Variants in CLEC18B observed in about 807,000 individuals in gnomAD.
The protein encoded by CLEC18B is C-type lectin domain family 18 member B, also known as mannose receptor-like 2.
In CLEC18B, 5 loss-of-function variants were observed where a neutral mutation model predicts 60.4. That is an observed-to-expected ratio of 0.08 (90% CI 0.04 to 0.17). The LOEUF (loss-of-function observed/expected upper bound fraction) is 0.17, where lower values mean the gene tolerates loss of function less well. Among genes scored for constraint, CLEC18B ranks in the 10% least tolerant of loss-of-function variants. The pLI, the probability that CLEC18B is intolerant of heterozygous loss-of-function variation, is 1.00. For missense variants in CLEC18B, 26 were observed against 572.8 expected (o/e 0.05, Z 9.74); for synonymous variants, 16 against 221.2 (o/e 0.07, Z 8.23).
chr16:74,412,886 C>A lies in CLEC18B; in HGVS notation c.677-6G>T. On this transcript the variant is annotated splice_polypyrimidine_tract_variant and splice_region_variant and intron_variant, in intron 5 of 11. Coordinates refer to ENST00000682950, the MANE Select transcript of CLEC18B (RefSeq NM_001385193.1). ...ACAAGGATTCCTGGGGACCTCTGGTCAGAGGAGGAGGGGACTCTGAGAAAA... is the reference window on the plus strand; with the variant it reads ...ACAAGGATTCCTGGGGACCTCTGGTAAGAGGAGGAGGGGACTCTGAGAAAA... 1 of 1,612,116 alleles carries A rather than the reference C, an allele frequency of 6.2e-7. No individual in the cohort carries two copies.
chr16:74,423,910 G>C (rs1318447417), upstream of CLEC18B, among the ~76,000 whole-genome samples: 1 of 152,216 alleles, frequency 6.6e-6, no homozygotes, highest in African/African-American at 2.4e-5. Flanking sequence ...CCAGGGCATT[G>C]CAACTTGGTT....
intron 2 of CLEC18B, among the ~76,000 whole-genome samples, chr16:74,419,638 G>C (rs2142764618): frequency 6.7e-6 from 1 of 148,726 alleles, no homozygotes; most frequent in Middle Eastern, 3.4e-3. Flanking sequence ...GAGCACCCCT[G>C]GTTGCCCAGG....
At chr16:74,423,747 AG>A (rs1242195587), upstream of CLEC18B, among the ~76,000 whole-genome samples, 4 of 148,840 alleles carry the variant, frequency 2.7e-5, no homozygotes, top group African/African-American at 9.9e-5. Flanking sequence ...TTCATGGGCC[AG>A]AAGAGAAGCT....
At chr16:74,409,800 C>A (rs2013039756) in intron 10 of CLEC18B, 159 bp from the exon 11 acceptor site, 1 of 1,609,202 alleles carries the variant, frequency 6.2e-7, no homozygotes, top group African/African-American at 1.3e-5. Flanking sequence ...AAGCCCCCAG[C>A]CCTGCTCCAC....
chr16:74,420,088 T>C lies in CLEC18B; in HGVS notation c.216+413A>G, dbSNP rs1312383958. On this transcript the variant is annotated intron_variant, in intron 2 of 11. Coordinates refer to ENST00000682950, the MANE Select transcript of CLEC18B (RefSeq NM_001385193.1). ...AAGCTCAGGAGGAGGCGCTGGGTCC[T>C]TGCCGCACAGAAGCCCCTCCCCAGC... 3.3e-5 allele frequency among the ~76,000 whole-genome samples: 5 copies of C among 152,322 alleles called. No individual in the cohort carries two copies. In the East Asian group the frequency reaches 9.7e-4, roughly 29 times the overall value.
At chr16:74,423,708 A>G (rs2013755174), upstream of CLEC18B, among the ~76,000 whole-genome samples, 1 of 142,396 alleles carries the variant, frequency 7.0e-6, no homozygotes, top group South Asian at 2.5e-4. Flanking sequence ...CCCTCAAAAA[A>G]AAAAAAAAAG....
upstream of CLEC18B, chr16:74,422,491 A>C: frequency 6.6e-6 from 1 of 150,582 alleles, no homozygotes; most frequent in Non-Finnish European, 1.5e-5. Flanking sequence ...GGCTATCGTC[A>C]TGGGTGCCAG....
chr16:74,416,240 G>T (rs1160843587), intron 3 of CLEC18B, among the ~76,000 whole-genome samples: 1 of 142,830 alleles, frequency 7.0e-6, no homozygotes, highest in Non-Finnish European at 1.5e-5. Flanking sequence ...AGCAGCCTGC[G>T]CGACAGAGCG....
At position 74,413,161 on chromosome 16, in the gene CLEC18B, G is replaced by C; in HGVS notation, c.555-3C>G. 6.2e-7 allele frequency: 1 copy of C among 1,612,128 alleles called. No individual in the cohort carries two copies. The highest frequency in any genetic ancestry group is 8.5e-7 in the Non-Finnish European group (1 of 1,179,876). On this transcript the variant is annotated splice_region_variant and splice_polypyrimidine_tract_variant and intron_variant, in intron 4 of 11. Coordinates refer to ENST00000682950, the MANE Select transcript of CLEC18B (RefSeq NM_001385193.1). ...TCCCGTTGACCTCCCAGTTGCCTCT[G>C]TGAGGACGAGCAGGCACCACAGGGT... is the stretch of plus-strand genomic sequence containing the variant.
intron 3 of CLEC18B, among the ~76,000 whole-genome samples, chr16:74,417,636 CG>C (rs1238280661): frequency 1.5e-5 from 2 of 129,878 alleles, no homozygotes; most frequent in Non-Finnish European, 3.2e-5. Flanking sequence ...AAAAATGTGG[CG>C]GGGCACAGTG....
intron 10 of CLEC18B, among the ~76,000 whole-genome samples, 159 bp downstream of exon 10, chr16:74,410,377 G>A (rs1379668059): frequency 8.9e-4 from 134 of 151,394 alleles, no homozygotes; most frequent in Admixed American, 1.4e-3. Context: ...CCCCACCACC[G>A]GCCCACACCA....
upstream of CLEC18B, chr16:74,422,526 A>G: frequency 6.6e-6 from 1 of 150,680 alleles, no homozygotes; most frequent in Non-Finnish European, 1.5e-5. Context: ...CCAGGCATAC[A>G]GGCCATGAAG....
chr16:74,420,849 G>A (rs1303685365), intron 1 of CLEC18B, among the ~76,000 whole-genome samples: 24 of 117,198 alleles, frequency 2.0e-4, no homozygotes, highest in African/African-American at 6.1e-4. Context: ...CCTGGCTCCC[G>A]CAGGCCCCTG....
chr16:74,421,384 A>T lies in CLEC18B; in HGVS notation c.-114T>A. On this transcript the variant is annotated 5_prime_UTR_variant, in exon 1 of 12. It introduces an in-frame stop codon into an upstream open reading frame of the 5' UTR. Transcript: ENST00000682950. ...TCCAGGAGTCAGGCTGGGCTGGTGG[A>T]CAAAAGAGGGGGGCTGGTGAACAAA... 1 of 1,602,764 alleles carries T rather than the reference A, an allele frequency of 6.2e-7. No homozygotes were observed. The highest frequency in any genetic ancestry group is 8.5e-7 in the Non-Finnish European group (1 of 1,174,850).
intron 2 of CLEC18B, among the ~76,000 whole-genome samples, chr16:74,419,135 C>T (rs1201706816): frequency 6.6e-6 from 1 of 152,288 alleles, no homozygotes; most frequent in East Asian, 1.9e-4. Flanking sequence ...AATCACCACC[C>T]CTGGGTGACT....
chr16:74,420,120 C>G (rs1268731441), intron 2 of CLEC18B, among the ~76,000 whole-genome samples: 3 of 152,062 alleles, frequency 2.0e-5, no homozygotes, highest in Admixed American at 6.5e-5. Context: ...CAGCCCAGCA[C>G]GACCTTCTCC....
chr16:74,415,713 T>TA (rs1454003880), intron 3 of CLEC18B, among the ~76,000 whole-genome samples: 1 of 95,114 alleles, frequency 1.1e-5, no homozygotes, highest in Non-Finnish European at 2.1e-5. Context: ...TCCGGAGTAC[T>TA]AAAAATACAA....
At chr16:74,413,882 T>TTATTTATTTATA (rs2013306037) in intron 3 of CLEC18B, among the ~76,000 whole-genome samples, 1 of 151,552 alleles carries the variant, frequency 6.6e-6, no homozygotes. Flanking sequence ...ATTTATTTAT[T>TTATTTATTTATA]TATTTTTGAG....
At chr16:74,414,448 G>A (rs1233228994) in intron 3 of CLEC18B, among the ~76,000 whole-genome samples, 1 of 151,186 alleles carries the variant, frequency 6.6e-6, no homozygotes, top group Non-Finnish European at 1.5e-5. Context: ...CCACAGAAGT[G>A]ATACTGAGCC....
Sources: allele counts gnomAD v4.1 joint callset (sites outside exome capture counted in the v4.1 genomes callset), GRCh38; gene constraint gnomAD v4.1.1; transcripts MANE v1.5; gene names NCBI Gene and HGNC (gene_info 2026-07-23, HGNC 2026-07-21).